IL36B: variants seen among roughly 807,000 people sequenced by gnomAD.
IL36B encodes the protein interleukin-36 beta.
In IL36B, 23 loss-of-function variants were observed where a neutral mutation model predicts 19.3. The ratio of observed to expected loss-of-function variants is 1.19; its 90% CI spans 0.86 to 1.69. The LOEUF (loss-of-function observed/expected upper bound fraction) is 1.69. IL36B is among the 40% of genes most tolerant of loss of function. The pLI is 0.00. For synonymous variants in IL36B, 59 were observed against 59.7 expected, an observed-to-expected ratio of 0.99 and a Z score of 0.05; for missense variants, 217 against 200.5, an observed-to-expected ratio of 1.08 and a Z score of -0.50.
chr2:113,036,887 G>GT (rs1685175818), intron 1 of IL36B, among the ~76,000 whole-genome samples: 2 of 152,254 alleles, frequency 1.3e-5, no homozygotes, highest in African/African-American at 4.8e-5. Flanking sequence ...GCACTGCCCT[G>GT]TGTAGCCTGC....
At chr2:113,044,391 C>G (rs1685313173) in intron 1 of IL36B, among the ~76,000 whole-genome samples, 1 of 151,782 alleles carries the variant, frequency 6.6e-6, no homozygotes, top group Non-Finnish European at 1.5e-5. Flanking sequence ...CTCCTGAGCT[C>G]AAGTGATCCT....
At chr2:113,036,227 G>A (rs550500459) in intron 1 of IL36B, among the ~76,000 whole-genome samples, 1 of 152,192 alleles carries the variant, frequency 6.6e-6, no homozygotes, top group East Asian at 1.9e-4. Context: ...ATTCAGGCGT[G>A]AGCCAGCGTA....
chr2:113,024,882 G>A lies in IL36B; in HGVS notation c.391+1221C>T, dbSNP rs80066887. On this transcript the variant is annotated intron_variant, in intron 5 of 5. Coordinates refer to ENST00000259213, the MANE Select transcript of IL36B (RefSeq NM_014438.5). ...CCTTCTCAGAAAACCTATGTACTAC[G>A]TATCCAAGTACATTGTTGCAAGTCT... is the stretch of plus-strand genomic sequence containing the variant. 2.7e-4 allele frequency among the ~76,000 whole-genome samples: 41 copies of A among 152,240 alleles called. No homozygotes were observed. In the East Asian group the frequency reaches 6.0e-3, roughly 22 times the overall value.
At chr2:113,047,053 G>A (rs1685362590) in intron 1 of IL36B, among the ~76,000 whole-genome samples, 1 of 152,174 alleles carries the variant, frequency 6.6e-6, no homozygotes, top group Non-Finnish European at 1.5e-5. Context: ...TTTGTTTTAT[G>A]TTTTAAATTA....
intron 3 of IL36B, among the ~76,000 whole-genome samples, chr2:113,030,646 A>G (rs996477350): frequency 1.3e-5 from 2 of 152,236 alleles, no homozygotes; most frequent in East Asian, 3.8e-4. Flanking sequence ...ATATTTCCCC[A>G]TTATTAGAAA....
At chr2:113,048,561 G>C (rs144786827) in intron 1 of IL36B, among the ~76,000 whole-genome samples, 2,390 of 152,262 alleles carry the variant, frequency 0.016, 33 homozygotes, top group Non-Finnish European at 0.021. Context: ...TTAATAATTT[G>C]AGATTCCACC....
intron 1 of IL36B, among the ~76,000 whole-genome samples, chr2:113,037,706 C>T (rs181229808): frequency 2.0e-5 from 3 of 151,560 alleles, no homozygotes; most frequent in Admixed American, 2.0e-4. Context: ...AGTCTTTATA[C>T]CATAATATGA....
rs977966918 is a variant in IL36B at position 113,022,407 on chromosome 2, A to C, written c.*267T>G. On this transcript the variant is annotated 3_prime_UTR_variant, in exon 6 of 6. Coordinates refer to ENST00000259213, the MANE Select transcript of IL36B (RefSeq NM_014438.5). ...CATTTTTCATGAAAACCTTGACTTT[A>C]CAATTTTTTAAAAAACACTCTAAGG... 2 of 242,198 alleles carry C rather than the reference A, an allele frequency of 8.3e-6. No homozygotes were observed. Among genetic ancestry groups the C allele is most frequent in the Non-Finnish European group, 1.6e-5 (2 of 125,994 alleles). The allele number at this position is 242,198 out of a possible 1,614,324, so 15.0% of individuals were successfully genotyped here. A position where few individuals can be genotyped will look rare whatever the true frequency, so the allele number is the denominator to read the frequency against.
At chr2:113,039,044 G>A (rs1321085683) in intron 1 of IL36B, among the ~76,000 whole-genome samples, 1 of 152,318 alleles carries the variant, frequency 6.6e-6, no homozygotes, top group African/African-American at 2.4e-5. Flanking sequence ...TTTAAGGGAT[G>A]AGAAGGAAGG....
chr2:113,027,759 G>A (rs1684990680), intron 4 of IL36B: 2 of 1,453,170 alleles, frequency 1.4e-6, no homozygotes, highest in Admixed American at 5.3e-5. Flanking sequence ...TTTGGAGGAG[G>A]AGGTGGCTTT....
At chr2:113,023,039 C>T (rs1029448381) in intron 5 of IL36B, among the ~76,000 whole-genome samples, 6 of 152,298 alleles carry the variant, frequency 3.9e-5, no homozygotes, top group Admixed American at 2.6e-4. Flanking sequence ...CTAAGAGGCA[C>T]CCCTCACTTC....
In IL36B at chr2:113,022,693, C is replaced by T. The variant is rs767032395; in HGVS notation, c.476G>A (p.Gly159Glu). Residue 159 changes from glycine (G) to glutamate (E), a missense_variant, in exon 6 of 6, where the codon GGA (glycine) becomes GAA (glutamate). Coordinates refer to ENST00000259213, the MANE Select transcript of IL36B (RefSeq NM_014438.5). ...TTATTTCTACATCCTTCCTGGCATTCCTATGTTGGTCCGCATGGATGAGAA... is the reference window on the plus strand; with the variant it reads ...TTATTTCTACATCCTTCCTGGCATTTCTATGTTGGTCCGCATGGATGAGAA... 6.2e-7 allele frequency: 1 copy of T among 1,608,030 alleles called. No homozygotes were observed. Among genetic ancestry groups the T allele is most frequent in the Non-Finnish European group, 8.5e-7 (1 of 1,174,550 alleles).
chr2:113,025,807 G>A (rs1684947836), intron 5 of IL36B, among the ~76,000 whole-genome samples: 1 of 152,204 alleles, frequency 6.6e-6, no homozygotes, highest in Non-Finnish European at 1.5e-5. Context: ...GTGGCTAGTT[G>A]AGAAAAGAAG....
intron 5 of IL36B, among the ~76,000 whole-genome samples, chr2:113,023,290 A>G (rs1461344370): frequency 6.6e-6 from 1 of 152,214 alleles, no homozygotes; most frequent in Non-Finnish European, 1.5e-5. Flanking sequence ...AATTCAGATT[A>G]TTGATCCTGA....
intron 1 of IL36B, among the ~76,000 whole-genome samples, chr2:113,051,913 C>A (rs144823777): frequency 1.8e-4 from 28 of 152,156 alleles, no homozygotes; most frequent in African/African-American, 6.7e-4. Context: ...TGTCTCTGCA[C>A]CAACTCTGTT....
In IL36B at chr2:113,028,986, A is replaced by G. The variant is rs1212942458; in HGVS notation, c.214T>C (p.Cys72Arg). The G allele has an allele frequency of 1.9e-6, 3 of 1,614,098 alleles. No individual in the cohort carries two copies. Among genetic ancestry groups the G allele is most frequent in the Non-Finnish European group, 2.5e-6 (3 of 1,179,900 alleles). The change falls in exon 4 of 6, where the codon TGT (cysteine) becomes CGT (arginine). Residue 72 changes from cysteine (C) to arginine (R), a missense_variant. By Grantham distance (180) the Cys-to-Arg change is radical. Coordinates refer to ENST00000259213, the MANE Select transcript of IL36B (RefSeq NM_014438.5). Reference sequence around the variant, plus strand: ...CCCTGAATTTCTGCACAGAAGAGACAGAGATCTTTTCCCTTGATTCCCAGG... The same window carrying G: ...CCCTGAATTTCTGCACAGAAGAGACGGAGATCTTTTCCCTTGATTCCCAGG...
At chr2:113,047,137 G>A (rs1685363663) in intron 1 of IL36B, among the ~76,000 whole-genome samples, 1 of 152,066 alleles carries the variant, frequency 6.6e-6, no homozygotes, top group African/African-American at 2.4e-5. Context: ...CTTTTATTTA[G>A]CTCCTGTGTT....
At chr2:113,051,468 T>G (rs1250698670) in intron 1 of IL36B, among the ~76,000 whole-genome samples, 1 of 151,760 alleles carries the variant, frequency 6.6e-6, no homozygotes, top group African/African-American at 2.4e-5. Context: ...ACCTGCCCTG[T>G]GGACTGCCCA....
In IL36B at chr2:113,032,125, GTGTGTGTC is replaced by G. The variant is rs1225697137; in HGVS notation, c.-57-367_-57-360del. On this transcript the variant is annotated intron_variant, in intron 1 of 5. Coordinates refer to ENST00000259213, the MANE Select transcript of IL36B (RefSeq NM_014438.5). ...GGAAGGAGGGAGAGACAGAGTGCGT[GTGTGTGTC>G]TGTGTGTGTGTGTGTGTGTGTGTGT... 2.9e-3 allele frequency among the ~76,000 whole-genome samples: 339 copies of G among 116,934 alleles called. 2 individuals are homozygous for G. The highest frequency in any genetic ancestry group is 0.011 in the African/African-American group (298 of 28,196). The allele number at this position is 116,934 out of a possible 152,430, so 76.7% of individuals were successfully genotyped here. A position where few individuals can be genotyped will look rare whatever the true frequency, so the allele number is the denominator to read the frequency against.
Sources: gnomAD v4.1 joint callset for allele counts (sites outside exome capture counted in the v4.1 genomes callset) on GRCh38, gnomAD v4.1.1 for gene constraint, MANE v1.5 for transcripts, NCBI Gene and HGNC (gene_info 2026-07-23, HGNC 2026-07-21) for gene names.